Variants in POLA1 observed in about 807,000 individuals in gnomAD.
POLA1 encodes the protein DNA polymerase alpha catalytic subunit.
Under a neutral mutation model 124.0 loss-of-function variants are expected in POLA1, and 15 were observed. The ratio of observed to expected loss-of-function variants is 0.12; its 90% confidence interval spans 0.08 to 0.19. POLA1 has a LOEUF of 0.19. Among genes scored for constraint, POLA1 ranks in the 10% least tolerant of loss-of-function variants. POLA1 has a pLI of 1.00. For synonymous variants in POLA1, 408 were observed against 389.4 expected, an observed-to-expected ratio of 1.05 and a Z score of -0.56; for missense variants, 886 against 1,103.4, an observed-to-expected ratio of 0.80 and a Z score of 2.79.
chrX:24,726,873 T>C (rs1395967164), intron 13 of POLA1, 60 bp from the exon 14 acceptor site: 1 of 939,463 alleles, frequency 1.1e-6, no homozygotes, highest in Non-Finnish European at 1.5e-6. Flanking sequence ...AATATAGACT[T>C]TGGAAAATGC....
chrX:24,833,394 GT>G (rs1331433703), intron 32 of POLA1, among the ~76,000 whole-genome samples: 3 of 111,480 alleles, frequency 2.7e-5, no homozygotes, highest in African/African-American at 9.8e-5. Context: ...ATAATGACTT[GT>G]TTTTCTCTGG....
chrX:24,918,991 C>T (rs1000277355), intron 35 of POLA1, among the ~76,000 whole-genome samples: 7 of 111,862 alleles, frequency 6.3e-5, no homozygotes, highest in Admixed American at 5.7e-4. Context: ...GGTCCTTCCT[C>T]CAACATTGGG....
At chrX:24,818,424 G>A (rs1206874927) in intron 30 of POLA1, among the ~76,000 whole-genome samples, 2 of 111,506 alleles carry the variant, frequency 1.8e-5, no homozygotes, top group Admixed American at 1.9e-4. Context: ...CGTATTCCAA[G>A]TTTGAGGAGA....
chrX:24,717,216 C>G, intron 8 of POLA1, 74 bp from the exon 9 acceptor site: 4 of 888,195 alleles, frequency 4.5e-6, no homozygotes, highest in Non-Finnish European at 6.6e-6. Context: ...AGCCTTTGTG[C>G]GCCTTTGTGT....
In POLA1 at chrX:24,800,136, C is replaced by T. The variant is rs1288948936; in HGVS notation, c.2965-9762C>T. 4.5e-5 allele frequency among the ~76,000 whole-genome samples: 5 copies of T among 111,714 alleles called. No individual in the cohort carries two copies. In the East Asian group the frequency reaches 1.4e-3, roughly 31 times the overall value. On this transcript the variant is annotated intron_variant, in intron 26 of 36. Transcript: ENST00000379068. ...AAACTGTAGGTAGGGGCTGAAAACA[C>T]CCACCTCAAAAGCAAGGGGCAAGGA...
At chrX:24,854,375 G>A (rs903214678) in intron 34 of POLA1, among the ~76,000 whole-genome samples, 5 of 111,770 alleles carry the variant, frequency 4.5e-5, no homozygotes, top group Non-Finnish European at 9.4e-5. Flanking sequence ...TTTGATTGAT[G>A]CTAATGTGCC....
At chrX:24,800,570 A>G (rs1035595986) in intron 26 of POLA1, among the ~76,000 whole-genome samples, 18 of 112,084 alleles carry the variant, frequency 1.6e-4, no homozygotes, top group African/African-American at 5.5e-4. Context: ...TGTGTCAGAT[A>G]TAACCCGAAG....
intron 31 of POLA1, among the ~76,000 whole-genome samples, chrX:24,824,166 A>G (rs1225405229): frequency 8.9e-6 from 1 of 112,301 alleles, no homozygotes; most frequent in Non-Finnish European, 1.9e-5. Flanking sequence ...TTCACAAATT[A>G]CTACATGGGC....
At chrX:24,909,376 A>G (rs1342208495) in intron 35 of POLA1, among the ~76,000 whole-genome samples, 2 of 112,127 alleles carry the variant, frequency 1.8e-5, no homozygotes, top group Non-Finnish European at 3.8e-5. Flanking sequence ...TAGGTCTAAC[A>G]TTTAAGTCTT....
chrX:24,743,101 A>T, intron 22 of POLA1, 129 bp from the exon 23 acceptor site: 1 of 380,694 alleles, frequency 2.6e-6, no homozygotes, highest in Non-Finnish European at 4.5e-6. Flanking sequence ...GTCTTTCCCA[A>T]CAGATAGGAC....
In POLA1 at chrX:24,827,134, T is replaced by C. The variant is rs758821012; in HGVS notation, c.3736+533T>C. ...TGTTATCCTCTAGGAATTGGCTGAT[T>C]TCTAAGTTATCATCATCCGAGGAGG... On this transcript the variant is annotated intron_variant, in intron 32 of 36. Coordinates refer to ENST00000379068, the MANE Select transcript of POLA1 (RefSeq NM_001330360.2). Among the ~76,000 whole-genome samples, 3 of 112,363 alleles carry C rather than the reference T, an allele frequency of 2.7e-5. No individual in the cohort carries two copies. In the East Asian group the frequency reaches 8.3e-4, roughly 31 times the overall value.
intron 5 of POLA1, 29 bp from the exon 6 acceptor site, chrX:24,715,112 C>T: frequency 9.3e-7 from 1 of 1,074,865 alleles, no homozygotes; most frequent in Non-Finnish European, 1.3e-6. Context: ...GCAAGGCTTT[C>T]TCATGTTACC....
intron 30 of POLA1, among the ~76,000 whole-genome samples, chrX:24,819,267 A>G (rs1046560552): frequency 2.7e-5 from 3 of 112,321 alleles, no homozygotes; most frequent in Non-Finnish European, 5.6e-5. Flanking sequence ...GTTTTTAAGT[A>G]TTGGGAAGCT....
intron 35 of POLA1, among the ~76,000 whole-genome samples, chrX:24,913,357 G>A (rs1228566283): frequency 2.7e-5 from 3 of 111,617 alleles, no homozygotes; most frequent in Non-Finnish European, 5.6e-5. Context: ...GCATGAAGGG[G>A]TGTTTGAAGC....
At chrX:24,995,243 G>T (rs922467249) in intron 36 of POLA1, among the ~76,000 whole-genome samples, 1 of 111,260 alleles carries the variant, frequency 9.0e-6, no homozygotes, top group Non-Finnish European at 1.9e-5. Flanking sequence ...GAAGAGCAAA[G>T]AAATCTTGGC....
At chrX:24,974,154 A>G (rs927724046) in intron 36 of POLA1, among the ~76,000 whole-genome samples, 4 of 111,309 alleles carry the variant, frequency 3.6e-5, no homozygotes, top group Non-Finnish European at 7.5e-5. Flanking sequence ...ATCTTGTACA[A>G]GTACACTGAG....
chrX:24,779,406 T>A (rs969483106), intron 26 of POLA1, among the ~76,000 whole-genome samples: 1 of 112,246 alleles, frequency 8.9e-6, no homozygotes, highest in Non-Finnish European at 1.9e-5. Flanking sequence ...TTGAGGTCCA[T>A]GTGTGAGTTC....
At chrX:24,746,160 AT>A (rs950892875) in intron 24 of POLA1, among the ~76,000 whole-genome samples, 5 of 110,956 alleles carry the variant, frequency 4.5e-5, no homozygotes, top group Non-Finnish European at 9.4e-5. Context: ...CCAATTTCAT[AT>A]TCCCAGAAGA....
intron 35 of POLA1, among the ~76,000 whole-genome samples, chrX:24,908,863 T>C (rs919831335): frequency 9.9e-5 from 11 of 111,645 alleles, no homozygotes; most frequent in African/African-American, 3.6e-4. Context: ...AGTATAAAAG[T>C]GTTCCTATTT....
Sources: allele counts gnomAD v4.1 joint callset (sites outside exome capture counted in the v4.1 genomes callset), GRCh38; gene constraint gnomAD v4.1.1; transcripts MANE v1.5; gene names NCBI Gene and HGNC (gene_info 2026-07-23, HGNC 2026-07-21).